Variants in ARHGEF39 observed in about 807,000 individuals in gnomAD.
ARHGEF39 encodes Rho guanine nucleotide exchange factor (GEF) 39.
Under a neutral mutation model 47.5 loss-of-function variants are expected in ARHGEF39, and 45 were observed. The observed-to-expected ratio is 0.95, with a 90% CI of 0.75 to 1.22. The LOEUF (loss-of-function observed/expected upper bound fraction) is 1.22. Ranked by LOEUF, ARHGEF39 falls within the 50% of genes most tolerant of loss-of-function variation. ARHGEF39 has a pLI of 0.00. For synonymous variants in ARHGEF39, 164 were observed against 167.8 expected (o/e 0.98, Z 0.17); for missense variants, 411 against 425.3 (o/e 0.97, Z 0.30).
chr9:35,663,985 G>C (rs769277446), intron 4 of ARHGEF39, 23 bp downstream of exon 4: 1 of 1,601,536 alleles, frequency 6.2e-7, no homozygotes, highest in Non-Finnish European at 8.6e-7. Flanking sequence ...GAGAGAGGCG[G>C]CTGGAATCAA....
chr9:35,662,514 T>C lies in ARHGEF39; in HGVS notation c.901A>G (p.Ser301Gly), dbSNP rs1824009708. 1.2e-6 allele frequency: 2 copies of C among 1,612,098 alleles called. No homozygotes were observed. The highest frequency in any genetic ancestry group is 1.7e-6 in the Non-Finnish European group (2 of 1,179,162). Residue 301 changes from serine (S) to glycine (G), a missense_variant and splice_region_variant, in exon 7 of 9, where the codon AGT becomes GGT. Physicochemically the swap from Ser to Gly is moderately conservative, Grantham distance 56. Coordinates refer to ENST00000378387, the MANE Select transcript of ARHGEF39 (RefSeq NM_032818.3). ...HSGGPCGGLLSLSFPHEKLLL... is the reference protein window; with the variant it reads ...HSGGPCGGLLGLSFPHEKLLL... ...TAGGGTTCCCACCTATTACTTACAC[T>C]GAGCAACCCACCACAAGGGCCTCCT...
In ARHGEF39 at chr9:35,664,844, A is replaced by G. The variant is rs1021999317; in HGVS notation, c.145T>C (p.Leu49=). The change falls in exon 2 of 9, where the codon TTG becomes CTG. Residue 49 remains leucine, a synonymous_variant. Coordinates refer to ENST00000378387, the MANE Select transcript of ARHGEF39 (RefSeq NM_032818.3). ...GTCCCCTTGGCTTTCAGGATCCCCA[A>G]AAAGTACTGCGGAAGGAGAGAACAT... ...EQLGLVATYF[L]GILKAKGTLR... 2.0e-5 allele frequency: 32 copies of G among 1,609,146 alleles called. No individual in the cohort carries two copies. Among genetic ancestry groups the G allele is most frequent in the East Asian group, 4.5e-5 (2 of 44,878 alleles).
intron 2 of ARHGEF39, 94 bp from the exon 3 acceptor site, chr9:35,664,586 T>C: frequency 1.3e-6 from 2 of 1,508,972 alleles, no homozygotes; most frequent in Non-Finnish European, 1.8e-6. Context: ...AGTAGTGCTA[T>C]TACCCCATTG....
In ARHGEF39 at chr9:35,665,019, C is replaced by A; in HGVS notation, c.138+13G>T. 6.5e-7 allele frequency: 1 copy of A among 1,544,674 alleles called. No individual in the cohort carries two copies. The highest frequency in any genetic ancestry group is 8.7e-7 in the Non-Finnish European group (1 of 1,146,144). ...CCCTGTCCTATAATGGGAGCGTGTG[C>A]CAGGTCCCCCACCGTGGCCACCAGC... On this transcript the variant is annotated intron_variant, in intron 1 of 8. Transcript: ENST00000378387.
intron 6 of ARHGEF39, 23 bp downstream of exon 6, chr9:35,662,923 T>C: frequency 6.2e-7 from 1 of 1,604,324 alleles, no homozygotes; most frequent in Non-Finnish European, 8.5e-7. Context: ...AGTTGAGGAT[T>C]GAAGGGGAAG....
At position 35,665,062 on chromosome 9, in the gene ARHGEF39, G is replaced by T; in HGVS notation, c.108C>A (p.Arg36=). The change falls in exon 1 of 9, where the codon CGC becomes CGA. Residue 36 remains arginine, a synonymous_variant. Coordinates refer to ENST00000378387, the MANE Select transcript of ARHGEF39 (RefSeq NM_032818.3). ...CCACCAGCCCCAGCTGTTCTTGGTA[G>T]CGCCGCTCGGTCTCTAGCAGCTCCC... ...TARELLETER[R]YQEQLGLVAT... 2 of 1,564,732 alleles carry T rather than the reference G, an allele frequency of 1.3e-6. No individual in the cohort carries two copies. The highest frequency in any genetic ancestry group is 1.7e-6 in the Non-Finnish European group (2 of 1,156,626).
intron 2 of ARHGEF39, 75 bp from the exon 3 acceptor site, chr9:35,664,567 A>T (rs1366435150): frequency 2.6e-6 from 4 of 1,527,240 alleles, no homozygotes; most frequent in Admixed American, 4.3e-5. Flanking sequence ...TCATGAGAAT[A>T]GCACTAATAG....
At chr9:35,664,687 C>T in intron 2 of ARHGEF39, 69 bp downstream of exon 2, 2 of 1,529,552 alleles carry the variant, frequency 1.3e-6, no homozygotes, top group Middle Eastern at 2.0e-4. Flanking sequence ...AAGTCTGACT[C>T]CAAGCTCTGT....
rs202101233 is a variant in ARHGEF39 at position 35,665,047 on chromosome 9, C to G, written c.123G>C (p.Leu41=). Residue 41 remains leucine (L), a synonymous_variant, in exon 1 of 9, where the codon CTG becomes CTC. Transcript: ENST00000378387. The stretch of plus-strand genomic sequence containing the variant: ...GGTCCCCCACCGTGGCCACCAGCCC[C>G]AGCTGTTCTTGGTAGCGCCGCTCGG... ...LETERRYQEQ[L]GLVATYFLGI... 3.8e-6 allele frequency: 6 copies of G among 1,565,186 alleles called. No individual in the cohort carries two copies. The East Asian group carries it at 1.4e-4, about 36-fold the overall frequency.
Position 35,660,950 on chromosome 9 carries a change from A to G in ARHGEF39, c.*1037T>C. On this transcript the variant is annotated 3_prime_UTR_variant, in exon 9 of 9. Coordinates refer to ENST00000378387, the MANE Select transcript of ARHGEF39 (RefSeq NM_032818.3). ...TCTCTCCCCACACAGAGGCCAGCAG[A>G]CCTCTTCCTGAGGACTTCTGTTTAA... 6.2e-7 allele frequency: 1 copy of G among 1,614,052 alleles called. No homozygotes were observed. The highest frequency in any genetic ancestry group is 8.5e-7 in the Non-Finnish European group (1 of 1,179,998).
rs147148814 is a variant in ARHGEF39 at position 35,662,993 on chromosome 9, C to T, written c.626G>A (p.Arg209His). ...GCGTCCACTGAGCAGAGCCTGGACA[C>T]GCCGAAGGTGCTGGTCATTCTTCTG... ...QKQKNDQHLR[R>H]VQALLSGRQA... The change falls in exon 6 of 9, where the codon CGT becomes CAT. Residue 209 changes from arginine (R) to histidine (H), a missense_variant. Transcript: ENST00000378387. 79 of 1,613,902 alleles carry T rather than the reference C, an allele frequency of 4.9e-5. 1 individual carries two copies. The highest frequency in any genetic ancestry group is 1.7e-4 in the African/African-American group (13 of 74,910).
chr9:35,663,921 GATCGACCCC>G, intron 4 of ARHGEF39, 78 bp downstream of exon 4: 1 of 1,384,104 alleles, frequency 7.2e-7, no homozygotes, highest in Non-Finnish European at 1.0e-6. Flanking sequence ...AAGAGTTTGG[GATCGACCCC>G]AAGGCATCCC....
chr9:35,663,096 T>C (rs1470051554), intron 5 of ARHGEF39, 22 bp from the exon 6 acceptor site: 1 of 1,610,942 alleles, frequency 6.2e-7, no homozygotes, highest in East Asian at 2.2e-5. Context: ...TCTCCCACCT[T>C]ACTCCCCATA....
rs1286326546 is a variant in ARHGEF39 at position 35,661,208 on chromosome 9, T to C, written c.*779A>G. On this transcript the variant is annotated 3_prime_UTR_variant, in exon 9 of 9. Transcript: ENST00000378387. ...CATGATGGAGTGCTCCTGTGTGTTT[T>C]TTCGATCCTAGTTGGTTGTACACAC... The C allele has an allele frequency of 1.3e-6, 2 of 1,560,290 alleles. No individual in the cohort carries two copies. Among genetic ancestry groups the C allele is most frequent in the Non-Finnish European group, 1.7e-6 (2 of 1,149,004 alleles).
At chr9:35,663,861 AT>A (rs1269424136) in intron 4 of ARHGEF39, 146 bp downstream of exon 4, 3 of 821,824 alleles carry the variant, frequency 3.7e-6, no homozygotes, top group Non-Finnish European at 4.0e-6. Flanking sequence ...ATGGGTTCAC[AT>A]TTACTCTTGC....
At position 35,660,229 on chromosome 9, in the gene ARHGEF39, G is replaced by A. The variant is rs1361215957; in HGVS notation, c.*1758C>T. ...GACCATGTGTGGGACATAGGACGTC[G>A]CTTCATATGCTGGGTGAGGAGCTAG... On this transcript the variant is annotated 3_prime_UTR_variant, in exon 9 of 9. Coordinates refer to ENST00000378387, the MANE Select transcript of ARHGEF39 (RefSeq NM_032818.3). 21 of 585,998 alleles carry A rather than the reference G, an allele frequency of 3.6e-5. No homozygotes were observed. Among genetic ancestry groups the A allele is most frequent in the Middle Eastern group, 4.5e-4 (1 of 2,216 alleles). 36.3% of individuals were successfully genotyped at this position (585,998 alleles called of 1,614,324 possible). A position where few individuals can be genotyped will look rare whatever the true frequency, so the allele number is the denominator to read the frequency against.
In ARHGEF39 at chr9:35,662,551, G is replaced by T; in HGVS notation, c.864C>A (p.Val288=). 1 of 1,614,150 alleles carries T rather than the reference G, an allele frequency of 6.2e-7. No individual in the cohort carries two copies. The highest frequency in any genetic ancestry group is 8.5e-7 in the Non-Finnish European group (1 of 1,180,010). ...CACAAGGGCCTCCTGAGTGGCCAAAGACCCTGCTGAGATGACACTGGGCCA... is the reference window on the plus strand; with the variant it reads ...CACAAGGGCCTCCTGAGTGGCCAAATACCCTGCTGAGATGACACTGGGCCA... The part of the protein sequence containing the change: ...YPMAQCHLSR[V]FGHSGGPCGG... Residue 288 remains valine (V), a synonymous_variant, in exon 7 of 9, where the codon GTC becomes GTA. Transcript: ENST00000378387.
Position 35,660,719 on chromosome 9 carries a change from G to C in ARHGEF39, c.*1268C>G, listed in dbSNP as rs3174266. ...GAGGGAGGAATGGGGACATAGGTTG[G>C]GAGCCACTGAGTGGACATTTCTTCA... On this transcript the variant is annotated 3_prime_UTR_variant, in exon 9 of 9. Transcript: ENST00000378387. The C allele has an allele frequency of 2.5e-6, 4 of 1,613,632 alleles. No homozygotes were observed. The highest frequency in any genetic ancestry group is 3.4e-6 in the Non-Finnish European group (4 of 1,179,754).
intron 6 of ARHGEF39, 39 bp from the exon 7 acceptor site, chr9:35,662,780 A>C (rs1426933853): frequency 2.6e-6 from 4 of 1,536,726 alleles, no homozygotes; most frequent in Admixed American, 2.0e-5. Context: ...TGCAGCTTCA[A>C]GATACATGGG....
Sources: allele counts gnomAD v4.1 joint callset, GRCh38; gene constraint gnomAD v4.1.1; transcripts MANE v1.5; gene names NCBI Gene and HGNC (gene_info 2026-07-23, HGNC 2026-07-21).